ACOD1: variants seen among roughly 807,000 people sequenced by gnomAD.
The protein encoded by ACOD1 is cis-aconitate decarboxylase.
Under a neutral mutation model 14.2 loss-of-function variants are expected in ACOD1, and 14 were observed. The observed-to-expected ratio is 0.99, with a 90% confidence interval of 0.65 to 1.54. ACOD1 has a LOEUF of 1.54. Ranked by LOEUF, ACOD1 falls within the 40% of genes most tolerant of loss-of-function variation. The probability of loss-of-function intolerance (pLI) is 0.00; values close to 1 mark genes in which losing one functional copy is unlikely to be tolerated. For synonymous variants in ACOD1, 182 were observed against 221.7 expected, an observed-to-expected ratio of 0.82 and a Z score of 1.59; for missense variants, 530 against 586.3, an observed-to-expected ratio of 0.90 and a Z score of 0.99.
intron 3 of ACOD1, 55 bp downstream of exon 3, chr13:76,953,744 T>C: frequency 9.2e-7 from 1 of 1,087,700 alleles, no homozygotes; most frequent in South Asian, 1.4e-5. Flanking sequence ...AATTTTAGAG[T>C]CAGGAAATAT....
chr13:76,955,055 A>G (rs2033858683), intron 3 of ACOD1, among the ~76,000 whole-genome samples: 1 of 144,200 alleles, frequency 6.9e-6, no homozygotes, highest in Non-Finnish European at 1.5e-5. Flanking sequence ...TGAACCCAGG[A>G]GGCAGAGGTT....
rs1448714655 is a variant in ACOD1, at chr13:76,955,420, T to C, written c.366T>C (p.Ser122=). 1.2e-5 allele frequency: 18 copies of C among 1,550,456 alleles called. No individual in the cohort carries two copies. The highest frequency in any genetic ancestry group is 1.3e-5 in the Non-Finnish European group (15 of 1,146,960). Residue 122 remains serine (S), a synonymous_variant, in exon 4 of 5, where the codon AGT becomes AGC. Transcript: ENST00000377462. ...CTTTAGCAGAAGCCCTGCCAAGGAG[T>C]CCAAAGTTTTCTGGCCTTGACCTGC... The part of the protein sequence containing the change: ...LTALAEALPR[S]PKFSGLDLLL...
At chr13:76,953,077 G>T (rs1011324327) in intron 2 of ACOD1, among the ~76,000 whole-genome samples, 3 of 152,158 alleles carry the variant, frequency 2.0e-5, no homozygotes, top group Admixed American at 1.3e-4. Context: ...AGAGGTTGGG[G>T]TTGTAGTAAG....
At chr13:76,956,421 C>T (rs573093999) in intron 4 of ACOD1, among the ~76,000 whole-genome samples, 28 of 152,122 alleles carry the variant, frequency 1.8e-4, no homozygotes, top group Admixed American at 1.6e-3. Flanking sequence ...AGGATGGTCT[C>T]GAGCTCTTGA....
intron 2 of ACOD1, among the ~76,000 whole-genome samples, chr13:76,953,056 A>ACTTGAG (rs2033838159): frequency 2.0e-5 from 3 of 152,190 alleles, no homozygotes; most frequent in Admixed American, 2.0e-4. Context: ...TGGGAGGATC[A>ACTTGAG]CTTGAGCCTG....
intron 2 of ACOD1, 105 bp from the exon 3 acceptor site, chr13:76,953,495 A>G (rs1215607759): frequency 2.9e-6 from 2 of 688,286 alleles, no homozygotes; most frequent in Non-Finnish European, 5.2e-6. Context: ...CAAAGGTTCA[A>G]GTAAGAACTA....
intron 1 of ACOD1, among the ~76,000 whole-genome samples, chr13:76,949,426 C>T (rs138172405): frequency 1.8e-4 from 28 of 152,294 alleles, no homozygotes; most frequent in Admixed American, 6.5e-4. Context: ...CCACAGACAG[C>T]TGAGCAGCTG....
intron 1 of ACOD1, among the ~76,000 whole-genome samples, chr13:76,951,028 G>C (rs2033816361): frequency 6.6e-6 from 1 of 152,014 alleles, no homozygotes; most frequent in Non-Finnish European, 1.5e-5. Flanking sequence ...ACTATTATCT[G>C]ATGACTACTC....
intron 4 of ACOD1, among the ~76,000 whole-genome samples, chr13:76,956,663 C>A (rs2033879132): frequency 6.6e-6 from 1 of 152,268 alleles, no homozygotes; most frequent in Non-Finnish European, 1.5e-5. Context: ...CAGGCACCCA[C>A]CACCACATCC....
At chr13:76,952,746 A>T (rs960922984) in intron 2 of ACOD1, 96 bp downstream of exon 2, 34 of 930,660 alleles carry the variant, frequency 3.7e-5, no homozygotes, top group Non-Finnish European at 3.2e-6. Flanking sequence ...CACTTGATGT[A>T]CATAGCACTG....
At chr13:76,955,279 AT>A in intron 3 of ACOD1, 39 bp from the exon 4 acceptor site, 1 of 1,519,772 alleles carries the variant, frequency 6.6e-7, no homozygotes, top group Non-Finnish European at 8.9e-7. Context: ...TTAAGGGAAA[AT>A]TTAAGGCTTT....
chr13:76,958,131 C>G lies in ACOD1; in HGVS notation c.*146C>G, dbSNP rs761657113. ...CAGAACTACATATATCTGGAAGGAG[C>G]CTTCTCCTGAAAATTTTGCAGGACA... On this transcript the variant is annotated 3_prime_UTR_variant, in exon 5 of 5. Transcript: ENST00000377462. 2.6e-6 allele frequency: 2 copies of G among 767,272 alleles called. No homozygotes were observed. The highest frequency in any genetic ancestry group is 3.9e-4 in the Middle Eastern group (1 of 2,576). 47.5% of individuals were successfully genotyped at this position (767,272 alleles called of 1,614,324 possible).
In ACOD1 at chr13:76,948,579, G is replaced by C. The variant is rs946139349; in HGVS notation, c.12+9G>C. ...ACGAAATGATGCTCAAGGTATTGTA[G>C]CATTTTATGTGACTTACTTAAATTG... is the stretch of plus-strand genomic sequence containing the variant. On this transcript the variant is annotated intron_variant, in intron 1 of 4. Coordinates refer to ENST00000377462, the MANE Select transcript of ACOD1 (RefSeq NM_001258406.2). The C allele has an allele frequency of 9.2e-6, 14 of 1,522,960 alleles. No homozygotes were observed. Among genetic ancestry groups the C allele is most frequent in the Non-Finnish European group, 1.2e-5 (14 of 1,128,920 alleles). 94.3% of individuals were successfully genotyped at this position (1,522,960 alleles called of 1,614,324 possible). A position where few individuals can be genotyped will look rare whatever the true frequency, so the allele number is the denominator to read the frequency against.
At chr13:76,953,819 G>T in intron 3 of ACOD1, 130 bp downstream of exon 3, 1 of 636,440 alleles carries the variant, frequency 1.6e-6, no homozygotes, top group South Asian at 1.9e-5. Context: ...AGATAAAGTG[G>T]CTTACCCTCT....
chr13:76,952,032 T>C (rs1053403223), intron 1 of ACOD1, among the ~76,000 whole-genome samples: 15 of 152,186 alleles, frequency 9.9e-5, no homozygotes, highest in African/African-American at 2.9e-4. Flanking sequence ...CCTGCAAAAA[T>C]AACTACCTAG....
rs1368993258 is a variant in ACOD1 at position 76,958,006 on chromosome 13, A to C, written c.*21A>C. 1 of 1,479,168 alleles carries C rather than the reference A, an allele frequency of 6.8e-7. No homozygotes were observed. The highest frequency in any genetic ancestry group is 8.9e-7 in the Non-Finnish European group (1 of 1,118,418). 91.6% of individuals were successfully genotyped at this position (1,479,168 alleles called of 1,614,324 possible). A position where few individuals can be genotyped will look rare whatever the true frequency, so the allele number is the denominator to read the frequency against. ...CCTGAGGCTTACCAACATCTAAATG[A>C]CTTTGCATTTGGGGAGATTCAATGA... On this transcript the variant is annotated 3_prime_UTR_variant, in exon 5 of 5. Transcript: ENST00000377462.
rs547326727 is a variant in ACOD1, at chr13:76,957,343, C to T, written c.804C>T (p.Asp268=). The part of the protein sequence containing the change: ...ASYSWLLDQQ[D]VAFKRFPAHL... Reference sequence around the variant, plus strand: ...ACAGTTGGCTGCTGGACCAGCAGGACGTGGCCTTTAAGCGTTTTCCTGCAC... The same window carrying T: ...ACAGTTGGCTGCTGGACCAGCAGGATGTGGCCTTTAAGCGTTTTCCTGCAC... The change falls in exon 5 of 5, where the codon GAC becomes GAT. Residue 268 remains aspartate, a synonymous_variant. Coordinates refer to ENST00000377462, the MANE Select transcript of ACOD1 (RefSeq NM_001258406.2). 58 of 1,550,636 alleles carry T rather than the reference C, an allele frequency of 3.7e-5. No individual in the cohort carries two copies. Among genetic ancestry groups the T allele is most frequent in the Middle Eastern group, 1.7e-4 (1 of 5,990 alleles).
chr13:76,949,387 G>A (rs2137742933), intron 1 of ACOD1, among the ~76,000 whole-genome samples: 1 of 152,302 alleles, frequency 6.6e-6, no homozygotes, highest in South Asian at 2.1e-4. Context: ...CAGATCAGAA[G>A]ATATTTTGGA....
chr13:76,952,211 C>G (rs2033828541), intron 1 of ACOD1, among the ~76,000 whole-genome samples: 2 of 152,104 alleles, frequency 1.3e-5, no homozygotes, highest in Admixed American at 6.6e-5. Context: ...CCACCACCAC[C>G]CATCACGCAA....
Sources: allele counts gnomAD v4.1 joint callset (sites outside exome capture counted in the v4.1 genomes callset), GRCh38; gene constraint gnomAD v4.1.1; transcripts MANE v1.5; gene names NCBI Gene and HGNC (gene_info 2026-07-23, HGNC 2026-07-21).